SPIDR: variants seen among roughly 807,000 people sequenced by gnomAD.
The protein encoded by SPIDR is scaffold protein involved in DNA repair.
SPIDR carries 93 observed loss-of-function variants against 104.6 expected under a neutral mutation model. The ratio of observed to expected loss-of-function variants is 0.89; its 90% confidence interval spans 0.75 to 1.06. The LOEUF (loss-of-function observed/expected upper bound fraction) is 1.06, where lower values mean the gene tolerates loss of function less well. SPIDR is among the 50% of genes least tolerant of loss of function. SPIDR has a pLI of 0.00. For missense variants in SPIDR, 1,154 were observed against 1,111.2 expected (o/e 1.04, Z -0.55); for synonymous variants, 431 against 416.9 (o/e 1.03, Z -0.41).
At chr8:47,686,556 G>T (rs1464249622) in intron 11 of SPIDR, among the ~76,000 whole-genome samples, 1 of 152,030 alleles carries the variant, frequency 6.6e-6, no homozygotes, top group African/African-American at 2.4e-5. Context: ...TTAGATCATG[G>T]TATTTATTTT....
chr8:47,292,006 C>T (rs949491391), intron 4 of SPIDR, among the ~76,000 whole-genome samples: 6 of 152,178 alleles, frequency 3.9e-5, no homozygotes, highest in Non-Finnish European at 5.9e-5. Context: ...CTTTACCTGC[C>T]GGGTCACAGT....
chr8:47,261,895 G>A (rs1395526127), intron 1 of SPIDR, among the ~76,000 whole-genome samples: 2 of 152,062 alleles, frequency 1.3e-5, no homozygotes, highest in African/African-American at 4.8e-5. Flanking sequence ...ATTAATGTGT[G>A]AAAAAAATCA....
At chr8:47,412,903 ACTT>A (rs2063734833) in intron 7 of SPIDR, among the ~76,000 whole-genome samples, 1 of 152,136 alleles carries the variant, frequency 6.6e-6, no homozygotes, top group Admixed American at 6.5e-5. Flanking sequence ...TGCATTATAA[ACTT>A]CTTTTGTTCT....
intron 5 of SPIDR, among the ~76,000 whole-genome samples, chr8:47,363,199 CTTTTTTTTTTTTTTT>C (rs34705214): frequency 1.3e-5 from 1 of 79,694 alleles, no homozygotes; most frequent in Non-Finnish European, 2.3e-5. Flanking sequence ...CTTTATCTCT[CTTTTTTTTTTTTTTT>C]TTTTTTTTTG....
chr8:47,303,396 G>C (rs2042555552), intron 5 of SPIDR, among the ~76,000 whole-genome samples: 1 of 152,196 alleles, frequency 6.6e-6, no homozygotes, highest in Non-Finnish European at 1.5e-5. Flanking sequence ...CACTTCCCGG[G>C]TGAGGTGATG....
intron 10 of SPIDR, among the ~76,000 whole-genome samples, chr8:47,610,656 C>A (rs921628091): frequency 6.6e-6 from 1 of 152,186 alleles, no homozygotes; most frequent in Non-Finnish European, 1.5e-5. Flanking sequence ...ATGGCTTGAG[C>A]CAGCTCAGCT....
At position 47,530,063 on chromosome 8, in the gene SPIDR, C is replaced by T. The variant is rs970617132; in HGVS notation, c.1098-65748C>T. Among the ~76,000 whole-genome samples the T allele has an allele frequency of 2.2e-4, 34 of 152,214 alleles. 1 individual carries two copies. The highest frequency in any genetic ancestry group is 7.3e-5 in the Non-Finnish European group (5 of 68,040). On this transcript the variant is annotated intron_variant, in intron 8 of 19. Coordinates refer to ENST00000297423, the MANE Select transcript of SPIDR (RefSeq NM_001080394.4). ...ATACAAGCCTAGGTGATATAGCCTACTACACATCTAGGCTGTATGGTATAG... is the reference window on the plus strand; with the variant it reads ...ATACAAGCCTAGGTGATATAGCCTATTACACATCTAGGCTGTATGGTATAG...
intron 5 of SPIDR, among the ~76,000 whole-genome samples, chr8:47,299,817 G>C (rs1183140798): frequency 1.3e-5 from 2 of 152,162 alleles, no homozygotes; most frequent in Non-Finnish European, 2.9e-5. Context: ...GATCATGGTG[G>C]ATAAGGTTTT....
intron 8 of SPIDR, among the ~76,000 whole-genome samples, chr8:47,513,074 CAT>C (rs2082609447): frequency 6.6e-6 from 1 of 152,204 alleles, no homozygotes; most frequent in Non-Finnish European, 1.5e-5. Context: ...ACTTCTGAAA[CAT>C]AAAATCTCTG....
chr8:47,329,455 A>G (rs879991895), intron 5 of SPIDR, among the ~76,000 whole-genome samples: 3 of 152,072 alleles, frequency 2.0e-5, no homozygotes, highest in Admixed American at 1.3e-4. Flanking sequence ...TGGTCTGTCC[A>G]CCTTGGCCTC....
At chr8:47,593,353 T>G (rs764350624) in intron 8 of SPIDR, among the ~76,000 whole-genome samples, 1 of 152,224 alleles carries the variant, frequency 6.6e-6, no homozygotes, top group Non-Finnish European at 1.5e-5. Context: ...ACTTCCATTT[T>G]TAAGAAATAT....
intron 8 of SPIDR, among the ~76,000 whole-genome samples, chr8:47,562,963 AT>A (rs942389827): frequency 1.3e-5 from 2 of 151,230 alleles, no homozygotes; most frequent in Non-Finnish European, 1.5e-5. Flanking sequence ...ATGTATGACA[AT>A]TTTTTTTGGC....
Position 47,363,518 on chromosome 8 carries a change from AT to A in SPIDR, c.526-32856del, listed in dbSNP as rs1372023069. 4.2e-5 allele frequency among the ~76,000 whole-genome samples: 6 copies of A among 141,292 alleles called. No individual in the cohort carries two copies. In the Admixed American group the frequency reaches 4.4e-4, roughly 10 times the overall value. 92.7% of individuals were successfully genotyped at this position (141,292 alleles called of 152,430 possible). A position where few individuals can be genotyped will look rare whatever the true frequency, so the allele number is the denominator to read the frequency against. ...CCTTTTTTAAAAAAAAAAAAAAAAA[AT>A]TAGGTCAAAGAGTATTTCAGACTCT... On this transcript the variant is annotated intron_variant, in intron 5 of 19. Coordinates refer to ENST00000297423, the MANE Select transcript of SPIDR (RefSeq NM_001080394.4).
intron 5 of SPIDR, among the ~76,000 whole-genome samples, chr8:47,319,254 AC>A (rs200362333): frequency 1.2e-4 from 19 of 152,284 alleles, no homozygotes; most frequent in East Asian, 9.7e-4. Flanking sequence ...AGGAAGATCT[AC>A]CAAGGAAATG....
At position 47,521,572 on chromosome 8, in the gene SPIDR, C is replaced by T. The variant is rs1159643999; in HGVS notation, c.1098-74239C>T. Among the ~76,000 whole-genome samples the T allele has an allele frequency of 4.5e-4, 68 of 151,552 alleles. 1 individual carries two copies. Among genetic ancestry groups the T allele is most frequent in the Non-Finnish European group, 4.4e-5 (3 of 67,894 alleles). ...CGGAGTAGCTGGGATTACAGGCACGCACCACCATGCCCAGCTAATTTTTGT... is the reference window on the plus strand; with the variant it reads ...CGGAGTAGCTGGGATTACAGGCACGTACCACCATGCCCAGCTAATTTTTGT... On this transcript the variant is annotated intron_variant, in intron 8 of 19. Transcript: ENST00000297423.
intron 1 of SPIDR, among the ~76,000 whole-genome samples, chr8:47,263,748 T>G (rs2033182825): frequency 1.3e-5 from 2 of 152,228 alleles, no homozygotes; most frequent in African/African-American, 2.4e-5. Flanking sequence ...TTCTGCTGAT[T>G]GGAATCTTAG....
chr8:47,617,161 T>C (rs2064440185), intron 10 of SPIDR, among the ~76,000 whole-genome samples: 1 of 152,196 alleles, frequency 6.6e-6, no homozygotes. Context: ...CTGGCATTAA[T>C]CATAGTTGCT....
chr8:47,394,805 TTTGA>T (rs1588130644), intron 5 of SPIDR, among the ~76,000 whole-genome samples: 1 of 152,338 alleles, frequency 6.6e-6, no homozygotes, highest in East Asian at 1.9e-4. Flanking sequence ...GGTGGCCCAA[TTTGA>T]TTGTTTATTC....
intron 8 of SPIDR, among the ~76,000 whole-genome samples, chr8:47,589,975 C>T (rs1706448051): frequency 6.6e-6 from 1 of 152,042 alleles, no homozygotes; most frequent in South Asian, 2.1e-4. Context: ...TGAGACCATC[C>T]TGACCAACAT....
Sources: gnomAD v4.1 joint callset for allele counts (sites outside exome capture counted in the v4.1 genomes callset) on GRCh38, gnomAD v4.1.1 for gene constraint, MANE v1.5 for transcripts, NCBI Gene and HGNC (gene_info 2026-07-23, HGNC 2026-07-21) for gene names.